NRG3: variants seen among roughly 807,000 people sequenced by gnomAD.
The protein encoded by NRG3 is neuregulin 3, also known as pro-neuregulin-3, membrane-bound isoform.
A neutral mutation model predicts 66.9 loss-of-function variants in NRG3; 31 were observed. That is an observed-to-expected ratio of 0.46 (90% CI 0.35 to 0.63). NRG3 has a LOEUF of 0.63. Among genes scored for constraint, NRG3 ranks in the 20% least tolerant of loss-of-function variants. The probability of loss-of-function intolerance (pLI) is 0.00; values close to 1 mark genes in which losing one functional copy is unlikely to be tolerated. For missense variants in NRG3, 910 were observed against 878.9 expected, an observed-to-expected ratio of 1.04 and a Z score of -0.45; for synonymous variants, 393 against 359.4, an observed-to-expected ratio of 1.09 and a Z score of -1.06.
At chr10:82,682,138 G>A (rs956174957) in intron 2 of NRG3, among the ~76,000 whole-genome samples, 2 of 152,178 alleles carry the variant, frequency 1.3e-5, no homozygotes, top group South Asian at 2.1e-4. Context: ...TAGAGTAGGA[G>A]GAGGAAAACA....
chr10:82,971,989 A>G (rs887464401), intron 6 of NRG3, among the ~76,000 whole-genome samples: 2 of 152,276 alleles, frequency 1.3e-5, no homozygotes, highest in African/African-American at 4.8e-5. Flanking sequence ...CTCTTTCAGA[A>G]CATAGAAGAC....
intron 1 of NRG3, among the ~76,000 whole-genome samples, chr10:82,313,810 G>T (rs2135020745): frequency 6.6e-6 from 1 of 152,300 alleles, no homozygotes; most frequent in Admixed American, 6.5e-5. Context: ...AGGCTTGGGG[G>T]AAAACAGAAG....
chr10:82,186,781 T>C (rs972291465), intron 1 of NRG3, among the ~76,000 whole-genome samples: 2 of 152,216 alleles, frequency 1.3e-5, no homozygotes, highest in African/African-American at 2.4e-5. Flanking sequence ...GTATACATTA[T>C]AGACTTTCTG....
intron 3 of NRG3, among the ~76,000 whole-genome samples, chr10:82,751,532 C>T (rs2058861580): frequency 6.6e-6 from 1 of 152,122 alleles, no homozygotes; most frequent in Non-Finnish European, 1.5e-5. Context: ...AAATCAAAAA[C>T]ACATCCCTAT....
At chr10:81,915,122 A>C (rs1845552426) in intron 1 of NRG3, among the ~76,000 whole-genome samples, 1 of 152,182 alleles carries the variant, frequency 6.6e-6, no homozygotes, top group African/African-American at 2.4e-5. Flanking sequence ...CTCTTTGGAA[A>C]TTAGGTATTA....
At chr10:82,405,867 T>G (rs1442954720) in intron 2 of NRG3, among the ~76,000 whole-genome samples, 3 of 152,232 alleles carry the variant, frequency 2.0e-5, no homozygotes, top group Non-Finnish European at 2.9e-5. Context: ...GAACTAGGTT[T>G]GAGAAAGTTT....
intron 1 of NRG3, among the ~76,000 whole-genome samples, chr10:82,212,714 A>G (rs2075459297): frequency 6.6e-6 from 1 of 152,202 alleles, no homozygotes; most frequent in Non-Finnish European, 1.5e-5. Context: ...TTTTGATCAC[A>G]CAACTTTTTA....
At chr10:82,407,027 G>C (rs1239883308) in intron 2 of NRG3, among the ~76,000 whole-genome samples, 2 of 151,266 alleles carry the variant, frequency 1.3e-5, no homozygotes, top group African/African-American at 4.9e-5. Context: ...ACTTTCCCCA[G>C]TAAATAACCT....
intron 1 of NRG3, among the ~76,000 whole-genome samples, chr10:82,007,262 T>A (rs2061409597): frequency 6.8e-6 from 1 of 147,668 alleles, no homozygotes; most frequent in Non-Finnish European, 1.5e-5. Flanking sequence ...CAGGTTGGAG[T>A]GCAGTGGTGT....
chr10:82,303,317 A>G (rs1763047991), intron 1 of NRG3, among the ~76,000 whole-genome samples: 1 of 144,982 alleles, frequency 6.9e-6, no homozygotes, highest in African/African-American at 2.7e-5. Context: ...ATTCATTTAC[A>G]TACTACTGTG....
intron 2 of NRG3, among the ~76,000 whole-genome samples, chr10:82,662,978 A>G (rs368155298): frequency 1.1e-4 from 16 of 152,196 alleles, no homozygotes; most frequent in African/African-American, 3.9e-4. Flanking sequence ...TGGGGTAAAA[A>G]GAGCCTTTCT....
At chr10:82,203,236 G>T (rs922523058) in intron 1 of NRG3, among the ~76,000 whole-genome samples, 1 of 152,102 alleles carries the variant, frequency 6.6e-6, no homozygotes, top group Non-Finnish European at 1.5e-5. Context: ...TGATGAAAAA[G>T]AAGAGCTTGA....
chr10:82,773,790 A>G (rs1437600971), intron 3 of NRG3, among the ~76,000 whole-genome samples: 2 of 152,184 alleles, frequency 1.3e-5, no homozygotes, highest in Admixed American at 6.5e-5. Context: ...CCAGATCTTG[A>G]TAGAAAAGTT....
At chr10:82,555,075 ATT>A (rs1290349466) in intron 2 of NRG3, among the ~76,000 whole-genome samples, 2 of 152,208 alleles carry the variant, frequency 1.3e-5, no homozygotes, top group African/African-American at 4.8e-5. Flanking sequence ...TGACAAACCA[ATT>A]GCCATATGGC....
intron 1 of NRG3, among the ~76,000 whole-genome samples, chr10:82,028,868 C>T (rs1002623888): frequency 2.3e-4 from 35 of 152,028 alleles, no homozygotes; most frequent in African/African-American, 8.5e-4. Context: ...TTCATAACTG[C>T]TGAGAATCAG....
intron 3 of NRG3, among the ~76,000 whole-genome samples, chr10:82,778,042 G>GA (rs2059973669): frequency 2.6e-5 from 4 of 151,972 alleles, no homozygotes; most frequent in Admixed American, 6.6e-5. Context: ...TCCCTGGGGG[G>GA]AAGGGTGCCT....
intron 3 of NRG3, among the ~76,000 whole-genome samples, chr10:82,787,985 A>G (rs1410189511): frequency 6.6e-6 from 1 of 152,232 alleles, no homozygotes; most frequent in African/African-American, 2.4e-5. Flanking sequence ...CATCAAATGA[A>G]AAAGAATAGA....
At chr10:82,535,448 A>G (rs1413840630) in intron 2 of NRG3, among the ~76,000 whole-genome samples, 2 of 152,020 alleles carry the variant, frequency 1.3e-5, no homozygotes, top group East Asian at 1.9e-4. Flanking sequence ...AAAATATTTA[A>G]AGGGTTTTTG....
chr10:82,687,242 A>G (rs2134171594), intron 2 of NRG3, among the ~76,000 whole-genome samples: 1 of 152,226 alleles, frequency 6.6e-6, no homozygotes, highest in East Asian at 1.9e-4. Flanking sequence ...CTGTGCTTTT[A>G]CTCAGCAGGC....
Sources: gnomAD v4.1 joint callset for allele counts (sites outside exome capture counted in the v4.1 genomes callset) on GRCh38, gnomAD v4.1.1 for gene constraint, MANE v1.5 for transcripts, NCBI Gene and HGNC (gene_info 2026-07-23, HGNC 2026-07-21) for gene names.